Variants in CDC123 observed in about 807,000 individuals in gnomAD.
CDC123 encodes cell division cycle 123, also known as translation initiation factor eIF2 assembly protein.
A neutral mutation model predicts 54.4 loss-of-function variants in CDC123; 37 were observed. The observed-to-expected ratio is 0.68, with a 90% confidence interval of 0.52 to 0.89. The LOEUF is 0.89. Ranked by LOEUF, CDC123 falls within the 40% of genes least tolerant of loss-of-function variation. The pLI, the probability that CDC123 is intolerant of heterozygous loss-of-function variation, is 0.00. For missense variants in CDC123, 361 were observed against 412.1 expected (o/e 0.88, Z 1.07); for synonymous variants, 144 against 136.8 (o/e 1.05, Z -0.37).
chr10:12,218,581 T>A (rs1327207822), intron 6 of CDC123, among the ~76,000 whole-genome samples: 2 of 152,194 alleles, frequency 1.3e-5, no homozygotes. Flanking sequence ...CACTTACCAG[T>A]GTGACATCAT....
intron 11 of CDC123, among the ~76,000 whole-genome samples, chr10:12,248,197 C>T (rs1253349148): frequency 6.6e-6 from 1 of 152,136 alleles, no homozygotes; most frequent in African/African-American, 2.4e-5. Flanking sequence ...CTCTTGTGAG[C>T]ATTTTATATC....
chr10:12,213,887 CAGATG>C (rs749641010), intron 4 of CDC123, among the ~76,000 whole-genome samples: 25 of 152,258 alleles, frequency 1.6e-4, no homozygotes, highest in Non-Finnish European at 3.1e-4. Context: ...GGACCTCTTC[CAGATG>C]AGATAGAAAT....
intron 3 of CDC123, 93 bp downstream of exon 3, chr10:12,210,117 G>T (rs1414329317): frequency 6.8e-7 from 1 of 1,476,854 alleles, no homozygotes; most frequent in Non-Finnish European, 9.4e-7. Context: ...TCTTACATCT[G>T]ATAAAATGAG....
At chr10:12,218,947 C>T (rs1835696901) in intron 6 of CDC123, among the ~76,000 whole-genome samples, 2 of 152,148 alleles carry the variant, frequency 1.3e-5, no homozygotes, top group Non-Finnish European at 2.9e-5. Flanking sequence ...CTTAAACAGA[C>T]CAGTTATCTC....
chr10:12,206,430 T>A (rs1192747695), intron 2 of CDC123, among the ~76,000 whole-genome samples: 4 of 152,262 alleles, frequency 2.6e-5, no homozygotes, highest in African/African-American at 9.6e-5. Flanking sequence ...GACAGTGTGT[T>A]AGTATTTCCA....
At chr10:12,219,297 T>C (rs1445543407) in intron 6 of CDC123, among the ~76,000 whole-genome samples, 1 of 152,148 alleles carries the variant, frequency 6.6e-6, no homozygotes, top group Non-Finnish European at 1.5e-5. Flanking sequence ...ATAAGGATTT[T>C]ACTTGTATTG....
intron 11 of CDC123, among the ~76,000 whole-genome samples, chr10:12,249,307 G>A (rs377629247): frequency 1.1e-4 from 16 of 152,054 alleles, no homozygotes; most frequent in African/African-American, 2.7e-4. Flanking sequence ...GCGTGGTGGC[G>A]CATGCCTATA....
intron 10 of CDC123, among the ~76,000 whole-genome samples, chr10:12,239,865 G>T (rs1343224872): frequency 6.6e-6 from 1 of 151,750 alleles, no homozygotes. Context: ...AAAATTAGCC[G>T]GGTGTGTTGG....
At chr10:12,241,557 T>C (rs572511022) in intron 10 of CDC123, among the ~76,000 whole-genome samples, 9 of 152,344 alleles carry the variant, frequency 5.9e-5, no homozygotes, top group Non-Finnish European at 8.8e-5. Flanking sequence ...TTCAGATTGA[T>C]GATGATTTCC....
intron 2 of CDC123, among the ~76,000 whole-genome samples, chr10:12,208,011 T>G (rs929420563): frequency 6.6e-6 from 1 of 152,186 alleles, no homozygotes; most frequent in East Asian, 1.9e-4. Flanking sequence ...CCTTGGCTTA[T>G]TCCTCCCCTT....
chr10:12,207,621 A>G (rs1219688018), intron 2 of CDC123, among the ~76,000 whole-genome samples: 4 of 152,158 alleles, frequency 2.6e-5, no homozygotes, highest in Non-Finnish European at 4.4e-5. Context: ...GCAAACATTG[A>G]TGGAAGATTC....
intron 2 of CDC123, among the ~76,000 whole-genome samples, chr10:12,209,732 T>C: frequency 6.6e-6 from 1 of 152,052 alleles, no homozygotes; most frequent in Non-Finnish European, 1.5e-5. Context: ...GCCCAGCTAA[T>C]TTCTGTGTAT....
At chr10:12,237,024 C>T in intron 8 of CDC123, 120 bp from the exon 9 acceptor site, 1 of 1,206,850 alleles carries the variant, frequency 8.3e-7, no homozygotes, top group Non-Finnish European at 1.1e-6. Context: ...AATGCCGTAC[C>T]CATCAGGGTG....
chr10:12,232,098 C>T (rs905454564), intron 7 of CDC123, among the ~76,000 whole-genome samples: 1 of 152,114 alleles, frequency 6.6e-6, no homozygotes, highest in African/African-American at 2.4e-5. Context: ...ACGCCTGCCT[C>T]AGCCTCCCAA....
intron 2 of CDC123, among the ~76,000 whole-genome samples, chr10:12,208,694 T>C (rs773349512): frequency 2.6e-5 from 4 of 152,156 alleles, no homozygotes; most frequent in Non-Finnish European, 5.9e-5. Flanking sequence ...CATGGAAAGA[T>C]AGTGAGTTAC....
At chr10:12,223,292 TA>T (rs1258124883) in intron 6 of CDC123, among the ~76,000 whole-genome samples, 3 of 151,858 alleles carry the variant, frequency 2.0e-5, no homozygotes, top group African/African-American at 7.3e-5. Context: ...ATTTTATTTT[TA>T]TTTTTTTCTT....
At chr10:12,243,264 G>A (rs1836084318) in intron 10 of CDC123, among the ~76,000 whole-genome samples, 1 of 151,864 alleles carries the variant, frequency 6.6e-6, no homozygotes, top group South Asian at 2.1e-4. Context: ...CAGGCGTGGT[G>A]GTGCATACCT....
chr10:12,223,752 T>C (rs1038527943), intron 6 of CDC123, among the ~76,000 whole-genome samples: 13 of 152,238 alleles, frequency 8.5e-5, no homozygotes, highest in Non-Finnish European at 1.6e-4. Context: ...AATGTGGCAC[T>C]CCTTTTATTT....
intron 10 of CDC123, among the ~76,000 whole-genome samples, chr10:12,239,824 C>T (rs1431181880): frequency 1.3e-5 from 2 of 151,422 alleles, no homozygotes; most frequent in Non-Finnish European, 2.9e-5. Flanking sequence ...CTGGCTAAAA[C>T]GGTGAAACCC....
Sources: gnomAD v4.1 joint callset for allele counts (sites outside exome capture counted in the v4.1 genomes callset) on GRCh38, gnomAD v4.1.1 for gene constraint, MANE v1.5 for transcripts, NCBI Gene and HGNC (gene_info 2026-07-23, HGNC 2026-07-21) for gene names.